Variants in DGKI observed in about 807,000 individuals in gnomAD.
The protein encoded by DGKI is DAG kinase iota.
Under a neutral mutation model 147.5 loss-of-function variants are expected in DGKI, and 55 were observed. The observed-to-expected ratio is 0.37, with a 90% CI of 0.30 to 0.47. The LOEUF is 0.47. Ranked by LOEUF, DGKI falls within the 20% of genes least tolerant of loss-of-function variation. The probability of loss-of-function intolerance (pLI) is 1.00; values close to 1 mark genes in which losing one functional copy is unlikely to be tolerated. For missense variants in DGKI, 1,007 were observed against 1,323.8 expected, an observed-to-expected ratio of 0.76 and a Z score of 3.71; for synonymous variants, 469 against 477.1, an observed-to-expected ratio of 0.98 and a Z score of 0.22.
Position 137,765,373 on chromosome 7 carries a change from C to T in DGKI, c.402-75371G>A, listed in dbSNP as rs188623548. Among the ~76,000 whole-genome samples the T allele has an allele frequency of 2.0e-3, 305 of 152,280 alleles. 1 individual carries two copies. The highest frequency in any genetic ancestry group is 6.8e-3 in the African/African-American group (284 of 41,550). ...TGTTATTTTTAACCCAGCATTCCAG[C>T]ATATCTATATCATTTTGAGACATAT... On this transcript the variant is annotated intron_variant, in intron 1 of 32. Transcript: ENST00000614521.
intron 5 of DGKI, among the ~76,000 whole-genome samples, chr7:137,651,906 C>T (rs1392002684): frequency 6.6e-6 from 1 of 152,120 alleles, no homozygotes; most frequent in South Asian, 2.1e-4. Context: ...ATACCTAATA[C>T]ATTTAGCATA....
intron 1 of DGKI, among the ~76,000 whole-genome samples, chr7:137,703,646 A>G (rs1793897680): frequency 6.6e-6 from 1 of 152,196 alleles, no homozygotes; most frequent in South Asian, 2.1e-4. Flanking sequence ...AGCTAACCAG[A>G]GACTTCAGTA....
intron 27 of DGKI, among the ~76,000 whole-genome samples, chr7:137,448,200 A>G (rs1813787507): frequency 6.6e-6 from 1 of 151,086 alleles, no homozygotes; most frequent in Non-Finnish European, 1.5e-5. Context: ...CTAGAAGAGG[A>G]TGCTGATAAG....
intron 1 of DGKI, among the ~76,000 whole-genome samples, chr7:137,837,859 G>A (rs926747104): frequency 6.6e-6 from 1 of 152,158 alleles, no homozygotes; most frequent in African/African-American, 2.4e-5. Flanking sequence ...CCGAGGTTGT[G>A]CGCTGTCAGG....
intron 6 of DGKI, among the ~76,000 whole-genome samples, chr7:137,637,817 C>A (rs1264583708): frequency 6.6e-6 from 1 of 152,104 alleles, no homozygotes; most frequent in African/African-American, 2.4e-5. Flanking sequence ...TATATCATTT[C>A]TTTTTCTTCC....
intron 13 of DGKI, among the ~76,000 whole-genome samples, chr7:137,586,470 C>A (rs1819401588): frequency 6.6e-6 from 1 of 151,728 alleles, no homozygotes; most frequent in African/African-American, 2.4e-5. Flanking sequence ...TATGTGTATG[C>A]ATATGTATAT....
intron 1 of DGKI, among the ~76,000 whole-genome samples, chr7:137,840,645 G>A (rs1405151536): frequency 6.6e-6 from 1 of 152,214 alleles, no homozygotes; most frequent in African/African-American, 2.4e-5. Context: ...ATGCAGGTAC[G>A]CAAACAGGAA....
chr7:137,729,079 A>AAT (rs1412065647), intron 1 of DGKI, among the ~76,000 whole-genome samples: 4 of 152,100 alleles, frequency 2.6e-5, no homozygotes, highest in African/African-American at 7.2e-5. Flanking sequence ...ATGGCTGTTC[A>AAT]TAAGGAATTA....
At chr7:137,741,078 G>T (rs1795160204) in intron 1 of DGKI, among the ~76,000 whole-genome samples, 1 of 152,094 alleles carries the variant, frequency 6.6e-6, no homozygotes, top group Non-Finnish European at 1.5e-5. Flanking sequence ...GCTTGTCCGA[G>T]AGTGATGGGA....
chr7:137,566,185 T>TA (rs1818579193), intron 19 of DGKI, among the ~76,000 whole-genome samples: 1 of 152,168 alleles, frequency 6.6e-6, no homozygotes, highest in African/African-American at 2.4e-5. Flanking sequence ...ATATAGCAGC[T>TA]ATATTAAATA....
At chr7:137,832,541 T>C (rs1798248584) in intron 1 of DGKI, among the ~76,000 whole-genome samples, 1 of 152,202 alleles carries the variant, frequency 6.6e-6, no homozygotes, top group African/African-American at 2.4e-5. Context: ...AGACACCAAG[T>C]CCATAGTCTG....
chr7:137,484,033 G>A (rs912727082), intron 23 of DGKI, among the ~76,000 whole-genome samples: 3 of 152,068 alleles, frequency 2.0e-5, no homozygotes, highest in Non-Finnish European at 4.4e-5. Context: ...CAGTCTAGAA[G>A]AAGTTCATTT....
intron 19 of DGKI, among the ~76,000 whole-genome samples, chr7:137,567,275 A>G (rs1265939045): frequency 6.6e-6 from 1 of 151,980 alleles, no homozygotes; most frequent in Non-Finnish European, 1.5e-5. Flanking sequence ...AAAAAAAAAA[A>G]AAAGAGAATT....
intron 1 of DGKI, among the ~76,000 whole-genome samples, chr7:137,797,485 G>C (rs1039093443): frequency 1.3e-5 from 2 of 152,068 alleles, no homozygotes; most frequent in Non-Finnish European, 2.9e-5. Flanking sequence ...AGATAATGTT[G>C]ATATAGTTAT....
chr7:137,577,936 T>A (rs1488375784), intron 16 of DGKI, among the ~76,000 whole-genome samples: 1 of 152,070 alleles, frequency 6.6e-6, no homozygotes, highest in African/African-American at 2.4e-5. Flanking sequence ...TCTTCAGACA[T>A]CCTCAGTCTA....
At chr7:137,745,001 C>A (rs1240094211) in intron 1 of DGKI, among the ~76,000 whole-genome samples, 1 of 152,124 alleles carries the variant, frequency 6.6e-6, no homozygotes. Context: ...GTACTATGTT[C>A]ACTACTTGGA....
intron 30 of DGKI, among the ~76,000 whole-genome samples, chr7:137,398,751 TC>T (rs976440067): frequency 9.9e-5 from 15 of 151,888 alleles, no homozygotes; most frequent in Admixed American, 2.6e-4. Flanking sequence ...AGGTGAATCT[TC>T]TCTTGCAAAG....
At chr7:137,482,098 C>G (rs371050888) in intron 23 of DGKI, among the ~76,000 whole-genome samples, 1 of 152,016 alleles carries the variant, frequency 6.6e-6, no homozygotes, top group East Asian at 1.9e-4. Flanking sequence ...CTGCCAGTCA[C>G]TTTCTACATA....
intron 15 of DGKI, among the ~76,000 whole-genome samples, chr7:137,580,596 C>G (rs540778799): frequency 6.6e-6 from 1 of 152,118 alleles, no homozygotes; most frequent in Non-Finnish European, 1.5e-5. Flanking sequence ...CCTGTCCTCT[C>G]AAAACCTTGG....
Sources: gnomAD v4.1 joint callset for allele counts (sites outside exome capture counted in the v4.1 genomes callset) on GRCh38, gnomAD v4.1.1 for gene constraint, MANE v1.5 for transcripts, NCBI Gene and HGNC (gene_info 2026-07-23, HGNC 2026-07-21) for gene names.